Variants in CHD2 observed in about 807,000 individuals in gnomAD.
CHD2 encodes the protein ATP-dependent chromatin remodeler CHD2.
Under a neutral mutation model 243.9 loss-of-function variants are expected in CHD2, and 28 were observed. That is an observed-to-expected ratio of 0.11 (90% CI 0.09 to 0.16). The LOEUF is 0.16. CHD2 is among the 10% of genes least tolerant of loss of function. CHD2 has a pLI of 1.00. For missense variants in CHD2, 1,386 were observed against 2,209.8 expected (o/e 0.63, Z 7.47); for synonymous variants, 775 against 779.0 (o/e 0.99, Z 0.09).
intron 28 of CHD2, among the ~76,000 whole-genome samples, chr15:92,994,308 A>G (rs185374766): frequency 7.2e-5 from 11 of 152,350 alleles, no homozygotes; most frequent in East Asian, 1.9e-4. Flanking sequence ...TTGTTTAGCA[A>G]TGGCGTCTGG....
chr15:93,011,128 C>T (rs915311666), intron 35 of CHD2, among the ~76,000 whole-genome samples: 3 of 150,974 alleles, frequency 2.0e-5, no homozygotes, highest in Admixed American at 6.6e-5. Flanking sequence ...AGCAAAAGGT[C>T]ATCCCAGTGA....
intron 37 of CHD2, among the ~76,000 whole-genome samples, chr15:93,019,408 CAGA>C (rs1384602767): frequency 6.6e-6 from 1 of 152,096 alleles, no homozygotes; most frequent in Non-Finnish European, 1.5e-5. Context: ...GTTAAGATTT[CAGA>C]AGGAGAGGAG....
chr15:92,932,450 C>T (rs1391249950), intron 5 of CHD2, among the ~76,000 whole-genome samples: 2 of 75,754 alleles, frequency 2.6e-5, no homozygotes, highest in East Asian at 4.7e-4. Context: ...CCCTCCCCCC[C>T]ACCCCATGAC....
intron 5 of CHD2, among the ~76,000 whole-genome samples, chr15:92,936,027 G>A (rs2053261207): frequency 6.6e-6 from 1 of 151,984 alleles, no homozygotes; most frequent in South Asian, 2.1e-4. Flanking sequence ...TGGTGTACAA[G>A]GACCCATCTA....
At chr15:92,964,619 G>A (rs920305616) in intron 16 of CHD2, among the ~76,000 whole-genome samples, 4 of 152,186 alleles carry the variant, frequency 2.6e-5, no homozygotes, top group African/African-American at 9.7e-5. Flanking sequence ...CCTTAGTATA[G>A]AGTCTAAGTG....
chr15:93,009,501 G>A lies in CHD2; in HGVS notation c.4592+178G>A, dbSNP rs2272454. On this transcript the variant is annotated intron_variant, in intron 35 of 38. Coordinates refer to ENST00000394196, the MANE Select transcript of CHD2 (RefSeq NM_001271.4). ...TTTCCATGAAATAGGCCATTCCACT[G>A]AGACCAGCCTTTTGAAGGGGTAGGA... 6.6e-3 allele frequency: 3,840 copies of A among 582,724 alleles called. 188 individuals are homozygous for A. In the Admixed American group the frequency reaches 0.087, roughly 13 times the overall value. The allele number at this position is 582,724 out of a possible 1,614,324, so 36.1% of individuals were successfully genotyped here. A position where few individuals can be genotyped will look rare whatever the true frequency, so the allele number is the denominator to read the frequency against.
chr15:92,949,140 A>G (rs572739825), intron 13 of CHD2, 64 bp downstream of exon 13: 158 of 1,579,484 alleles, frequency 1.0e-4, no homozygotes, highest in Admixed American at 2.7e-4. Context: ...GTTAGATGTC[A>G]AGAATTTTTT....
intron 37 of CHD2, among the ~76,000 whole-genome samples, chr15:93,015,902 G>C (rs2054453974): frequency 6.6e-6 from 1 of 152,212 alleles, no homozygotes; most frequent in African/African-American, 2.4e-5. Flanking sequence ...GCGCATTGTT[G>C]CTGGGAATGT....
chr15:92,923,857 C>T (rs1017623080), intron 2 of CHD2, among the ~76,000 whole-genome samples: 2 of 152,152 alleles, frequency 1.3e-5, no homozygotes, highest in African/African-American at 4.8e-5. Flanking sequence ...AGCCACCGCG[C>T]CCGGCCTGCT....
chr15:92,991,297 T>G (rs1021427275), intron 26 of CHD2, 179 bp from the exon 27 acceptor site: 9 of 492,048 alleles, frequency 1.8e-5, no homozygotes, highest in Admixed American at 4.1e-5. Context: ...GTCATTATTT[T>G]AAGTTGACTA....
chr15:93,012,522 A>G, intron 36 of CHD2, 78 bp downstream of exon 36: 1 of 989,784 alleles, frequency 1.0e-6, no homozygotes, highest in African/African-American at 1.7e-5. Context: ...TTGTTTTTCC[A>G]TGGGGAGATG....
chr15:92,993,158 C>G, intron 28 of CHD2, 160 bp downstream of exon 28: 1 of 656,164 alleles, frequency 1.5e-6, no homozygotes, highest in Non-Finnish European at 2.6e-6. Context: ...ATATTCTACT[C>G]TCCTACAGGT....
At chr15:92,926,519 C>A (rs1469158920) in intron 3 of CHD2, among the ~76,000 whole-genome samples, 3 of 152,264 alleles carry the variant, frequency 2.0e-5, no homozygotes, top group Middle Eastern at 3.4e-3. Context: ...TAGTAGTTAT[C>A]TCTGGGGAAG....
At chr15:92,920,194 A>G (rs2052927841) in intron 2 of CHD2, among the ~76,000 whole-genome samples, 1 of 152,092 alleles carries the variant, frequency 6.6e-6, no homozygotes, top group Non-Finnish European at 1.5e-5. Flanking sequence ...TTACATTTCT[A>G]GGAATCACTC....
In CHD2 at chr15:93,004,526, C is replaced by T. The variant is rs1279806789; in HGVS notation, c.4279-91C>T. 5 of 1,191,936 alleles carry T rather than the reference C, an allele frequency of 4.2e-6. No individual in the cohort carries two copies. In the Admixed American group the frequency reaches 1.1e-4, roughly 25 times the overall value. 73.8% of individuals were successfully genotyped at this position (1,191,936 alleles called of 1,614,324 possible). On this transcript the variant is annotated intron_variant, in intron 33 of 38. Transcript: ENST00000394196. Reference sequence around the variant, plus strand: ...AATAAACTGAGACCATCATATTTACCCATTTTAATAACACAACATAGGTAA... The same window carrying T: ...AATAAACTGAGACCATCATATTTACTCATTTTAATAACACAACATAGGTAA...
In CHD2 at chr15:92,971,919, A is replaced by G. The variant is rs2053846437; in HGVS notation, c.2344A>G (p.Ile782Val). ...EENERENGQEILLSLIRSSGK... is the reference protein window; with the variant it reads ...EENERENGQEVLLSLIRSSGK... ...AAATGAAAGGGAAAATGGACAGGAG[A>G]TTCTTCTGGTAGGTAGTTCCTCATA... is the stretch of plus-strand genomic sequence containing the variant. The change falls in exon 18 of 39, where the codon ATT (isoleucine) becomes GTT (valine). Residue 782 changes from isoleucine to valine, a missense_variant. Physicochemically the swap from Ile to Val is conservative, Grantham distance 29. Around this residue, in one of 19 missense-constraint regions of CHD2, gnomAD observed 118 missense variants for 266.3 expected, o/e 0.44. Coordinates refer to ENST00000394196, the MANE Select transcript of CHD2 (RefSeq NM_001271.4). The G allele has an allele frequency of 6.2e-7, 1 of 1,609,572 alleles. No individual in the cohort carries two copies.
intron 2 of CHD2, among the ~76,000 whole-genome samples, chr15:92,916,012 C>T (rs2052827471): frequency 1.5e-5 from 1 of 67,366 alleles, no homozygotes; most frequent in Non-Finnish European, 3.2e-5. Flanking sequence ...TATGCCTCTA[C>T]TCTCTTCTCA....
At chr15:92,967,295 C>A in intron 16 of CHD2, 30 bp from the exon 17 acceptor site, 2 of 1,453,290 alleles carry the variant, frequency 1.4e-6, no homozygotes, top group Non-Finnish European at 1.8e-6. Flanking sequence ...CTCAATGTGG[C>A]TAAATAACAC....
At chr15:92,901,862 CTT>C (rs1185187255) in intron 2 of CHD2, 14 of 276,436 alleles carry the variant, frequency 5.1e-5, no homozygotes, top group Non-Finnish European at 8.6e-5. Context: ...TTTTATGTGA[CTT>C]TATATTTCTT....
Sources: gnomAD v4.1 joint callset for allele counts (sites outside exome capture counted in the v4.1 genomes callset) on GRCh38, gnomAD v4.1.1 for gene constraint, gnomAD v4.1.1 regional missense constraint, MANE v1.5 for transcripts, NCBI Gene and HGNC (gene_info 2026-07-23, HGNC 2026-07-21) for gene names.